Variants in CNTLN observed in about 807,000 individuals in gnomAD.
The protein encoded by CNTLN is centlein.
In CNTLN, 212 loss-of-function variants were observed where a neutral mutation model predicts 180.0. The ratio of observed to expected loss-of-function variants is 1.18; its 90% CI spans 1.05 to 1.32. The LOEUF is 1.32. Among genes scored for constraint, CNTLN ranks in the 40% most tolerant of loss-of-function variants. CNTLN has a pLI of 0.00. For missense variants in CNTLN, 2,095 were observed against 1,610.9 expected (o/e 1.30, Z -5.14); for synonymous variants, 722 against 563.1 (o/e 1.28, Z -3.99).
chr9:17,325,967 C>A (rs986872755), intron 8 of CNTLN, among the ~76,000 whole-genome samples: 1 of 151,928 alleles, frequency 6.6e-6, no homozygotes, highest in East Asian at 1.9e-4. Context: ...TACAATATTT[C>A]TTGGATTTAA....
At chr9:17,379,189 A>G (rs1039611045) in intron 13 of CNTLN, among the ~76,000 whole-genome samples, 17 of 152,040 alleles carry the variant, frequency 1.1e-4, no homozygotes, top group South Asian at 6.2e-4. Context: ...TAGTCAGAGC[A>G]TAAACTACTA....
At chr9:17,216,096 C>A (rs1246329904) in intron 2 of CNTLN, among the ~76,000 whole-genome samples, 5 of 152,154 alleles carry the variant, frequency 3.3e-5, no homozygotes, top group Admixed American at 2.6e-4. Context: ...TGAGTTGAAC[C>A]CGTTACCTCA....
intron 2 of CNTLN, among the ~76,000 whole-genome samples, chr9:17,160,176 A>C (rs947226049): frequency 6.6e-6 from 1 of 152,110 alleles, no homozygotes; most frequent in Non-Finnish European, 1.5e-5. Context: ...TTTATCTGAA[A>C]TGTAAAAAAT....
Position 17,477,694 on chromosome 9 carries a change from C to G in CNTLN, c.3856-6601C>G, listed in dbSNP as rs1431240291. Among the ~76,000 whole-genome samples, 3 of 152,172 alleles carry G rather than the reference C, an allele frequency of 2.0e-5. 1 individual carries two copies. The highest frequency in any genetic ancestry group is 2.9e-5 in the Non-Finnish European group (2 of 68,030). ...AATTGCTGCAATCTCAAAATAAAAT[C>G]TGAATGGATGAGGAGTTGCCTCTTA... On this transcript the variant is annotated intron_variant, in intron 23 of 25. Transcript: ENST00000380647.
chr9:17,440,339 C>T (rs1055927067), intron 18 of CNTLN, among the ~76,000 whole-genome samples: 30 of 149,350 alleles, frequency 2.0e-4, no homozygotes, highest in African/African-American at 5.2e-4. Flanking sequence ...TTTGGGAGGC[C>T]GAGGCGGGTG....
chr9:17,236,541 G>A lies in CNTLN; in HGVS notation c.802G>A (p.Glu268Lys), dbSNP rs1825155590. The change falls in exon 5 of 26, where the codon GAA becomes AAA. Residue 268 changes from glutamate to lysine, a missense_variant. Coordinates refer to ENST00000380647, the MANE Select transcript of CNTLN (RefSeq NM_017738.4). ...TGACCTGGAGAAATTGAGGAAGCAGGAAGCACATTTGAGAAAAGAAAAATA... is the reference window on the plus strand; with the variant it reads ...TGACCTGGAGAAATTGAGGAAGCAGAAAGCACATTTGAGAAAAGAAAAATA... ...LNDLEKLRKQEAHLRKEKYST... is the reference protein window; with the variant it reads ...LNDLEKLRKQKAHLRKEKYST... The A allele has an allele frequency of 6.2e-7, 1 of 1,613,280 alleles. No individual in the cohort carries two copies. The highest frequency in any genetic ancestry group is 1.3e-5 in the African/African-American group (1 of 74,850).
At chr9:17,275,839 A>G (rs1013935623) in intron 6 of CNTLN, among the ~76,000 whole-genome samples, 4 of 152,142 alleles carry the variant, frequency 2.6e-5, no homozygotes, top group Non-Finnish European at 5.9e-5. Flanking sequence ...TTTGATTATA[A>G]GGACCTATAG....
chr9:17,336,269 T>C (rs1821028856), intron 10 of CNTLN, among the ~76,000 whole-genome samples: 1 of 152,196 alleles, frequency 6.6e-6, no homozygotes, highest in African/African-American at 2.4e-5. Flanking sequence ...AAAGAAAGTA[T>C]TTGGATATTT....
At chr9:17,215,237 G>C (rs1175262951) in intron 2 of CNTLN, among the ~76,000 whole-genome samples, 1 of 152,150 alleles carries the variant, frequency 6.6e-6, no homozygotes, top group Non-Finnish European at 1.5e-5. Context: ...TTTTGGTGTG[G>C]ATGTCCTTTC....
chr9:17,257,627 C>G (rs1431889706), intron 5 of CNTLN, among the ~76,000 whole-genome samples: 1 of 151,416 alleles, frequency 6.6e-6, no homozygotes, highest in Non-Finnish European at 1.5e-5. Context: ...TCCGCATCCT[C>G]TCCAGCACCT....
At chr9:17,299,000 T>C in intron 7 of CNTLN, 5 of 907,500 alleles carry the variant, frequency 5.5e-6, no homozygotes, top group Non-Finnish European at 5.3e-6. Context: ...TCCCAGCACT[T>C]TGGGAGGCTG....
chr9:17,246,169 C>T (rs895480707), intron 5 of CNTLN, among the ~76,000 whole-genome samples: 3 of 152,098 alleles, frequency 2.0e-5, no homozygotes, highest in Admixed American at 1.3e-4. Flanking sequence ...TGTTTGTACT[C>T]ATCTTTCTCA....
rs1334777290 is a variant in CNTLN at position 17,363,771 on chromosome 9, G to A, written c.1887-2846G>A. Among the ~76,000 whole-genome samples, 4 of 151,994 alleles carry A rather than the reference G, an allele frequency of 2.6e-5. No individual in the cohort carries two copies. In the East Asian group the frequency reaches 7.7e-4, roughly 29 times the overall value. On this transcript the variant is annotated intron_variant, in intron 12 of 25. Coordinates refer to ENST00000380647, the MANE Select transcript of CNTLN (RefSeq NM_017738.4). ...GCTATGATTGCTTTAGATAATAAAT[G>A]TTTATTTAATTCCTTGTATATATCT...
intron 15 of CNTLN, among the ~76,000 whole-genome samples, chr9:17,401,983 G>C (rs1475982507): frequency 6.6e-6 from 1 of 151,772 alleles, no homozygotes; most frequent in African/African-American, 2.4e-5. Flanking sequence ...AATAGAAAAT[G>C]GGCAGTGCTA....
At chr9:17,179,058 A>C (rs1311620409) in intron 2 of CNTLN, among the ~76,000 whole-genome samples, 3 of 146,430 alleles carry the variant, frequency 2.0e-5, no homozygotes, top group African/African-American at 8.0e-5. Flanking sequence ...TCCCGGCTAA[A>C]ACGGTGAAAC....
chr9:17,263,633 G>T (rs953800173), intron 5 of CNTLN, among the ~76,000 whole-genome samples: 1 of 146,226 alleles, frequency 6.8e-6, no homozygotes, highest in African/African-American at 2.6e-5. Flanking sequence ...CTTCCACAAT[G>T]GTTGAACTAG....
intron 8 of CNTLN, among the ~76,000 whole-genome samples, chr9:17,325,374 ATG>A (rs1469276121): frequency 1.8e-5 from 2 of 110,590 alleles, no homozygotes; most frequent in Admixed American, 1.0e-4. Flanking sequence ...GTGCATGTGT[ATG>A]TATGTGTGTG....
chr9:17,521,942 G>C, the CNTLN span, among the ~76,000 whole-genome samples: 1 of 151,954 alleles, frequency 6.6e-6, no homozygotes, highest in Admixed American at 6.6e-5. Flanking sequence ...GTCAATATTG[G>C]GAAAACCTGA....
At chr9:17,449,892 G>C (rs934862797) in intron 18 of CNTLN, among the ~76,000 whole-genome samples, 1 of 152,050 alleles carries the variant, frequency 6.6e-6, no homozygotes, top group African/African-American at 2.4e-5. Flanking sequence ...GAGTATTTTT[G>C]GTCTTTCAGA....
Sources: allele counts gnomAD v4.1 joint callset (sites outside exome capture counted in the v4.1 genomes callset), GRCh38; gene constraint gnomAD v4.1.1; transcripts MANE v1.5; gene names NCBI Gene and HGNC (gene_info 2026-07-23, HGNC 2026-07-21).